NEDD9: variants seen among roughly 807,000 people sequenced by gnomAD.
NEDD9 encodes neural precursor cell expressed, developmentally down-regulated 9, also known as enhancer of filamentation 1.
In NEDD9, 26 loss-of-function variants were observed where a neutral mutation model predicts 76.6. That is an observed-to-expected ratio of 0.34 (90% CI 0.25 to 0.47). The LOEUF (loss-of-function observed/expected upper bound fraction) is 0.47. NEDD9 is among the 20% of genes least tolerant of loss of function. NEDD9 has a pLI of 1.00. For synonymous variants in NEDD9, 392 were observed against 414.2 expected (o/e 0.95, Z 0.65); for missense variants, 937 against 1,058.5 (o/e 0.89, Z 1.59).
At chr6:11,335,112 G>A (rs1762128853) in intron 1 of NEDD9, among the ~76,000 whole-genome samples, 1 of 115,154 alleles carries the variant, frequency 8.7e-6, no homozygotes, top group Non-Finnish European at 1.7e-5. Flanking sequence ...GGTGCCTCAT[G>A]AGTTGACTGA....
Position 11,189,956 on chromosome 6 carries a change from T to C in NEDD9, c.1905+8A>G, listed in dbSNP as rs376335934. The C allele has an allele frequency of 6.6e-7, 1 of 1,513,058 alleles. No individual in the cohort carries two copies. The highest frequency in any genetic ancestry group is 8.8e-7 in the Non-Finnish European group (1 of 1,132,000). The allele number at this position is 1,513,058 out of a possible 1,614,324, so 93.7% of individuals were successfully genotyped here. On this transcript the variant is annotated splice_region_variant and intron_variant, in intron 5 of 6. Coordinates refer to ENST00000379446, the MANE Select transcript of NEDD9 (RefSeq NM_006403.4). ...AGTGTAGGTGTTTTATGAGTTCCGC[T>C]GTTTTACCTGTAGGTGGACGTAATC...
intron 3 of NEDD9, among the ~76,000 whole-genome samples, chr6:11,250,728 C>T (rs1259773759): frequency 1.3e-5 from 2 of 152,178 alleles, no homozygotes; most frequent in Admixed American, 6.5e-5. Context: ...GTGGCTTAGG[C>T]GCAGAGCCCC....
chr6:11,272,935 C>T (rs1432911967), intron 3 of NEDD9, among the ~76,000 whole-genome samples: 1 of 152,030 alleles, frequency 6.6e-6, no homozygotes, highest in Non-Finnish European at 1.5e-5. Flanking sequence ...GTCTTCTTCC[C>T]AGTTTGATTA....
intron 3 of NEDD9, among the ~76,000 whole-genome samples, chr6:11,263,441 T>C (rs1581988895): frequency 6.6e-6 from 1 of 152,174 alleles, no homozygotes; most frequent in East Asian, 1.9e-4. Context: ...CAGGCTTCAT[T>C]GGATTAGAAA....
intron 1 of NEDD9, among the ~76,000 whole-genome samples, chr6:11,363,255 C>T (rs1762708592): frequency 6.6e-6 from 1 of 152,090 alleles, no homozygotes; most frequent in African/African-American, 2.4e-5. Context: ...TAGAGGTAAT[C>T]CCATGATTAA....
rs1411920492 is a variant in NEDD9 at position 11,185,753 on chromosome 6, A to G, written c.1996-82T>C. 26 of 1,530,500 alleles carry G rather than the reference A, an allele frequency of 1.7e-5. No individual in the cohort carries two copies. In the Admixed American group the frequency reaches 3.9e-4, roughly 23 times the overall value. 94.8% of individuals were successfully genotyped at this position (1,530,500 alleles called of 1,614,324 possible). On this transcript the variant is annotated intron_variant, in intron 6 of 6. Coordinates refer to ENST00000379446, the MANE Select transcript of NEDD9 (RefSeq NM_006403.4). ...ATTCACTAGGCCTTGGAGTTAAAAG[A>G]CAGGGATTTTAGTCGCTAGTAACTG... is the stretch of plus-strand genomic sequence containing the variant.
chr6:11,329,727 G>A (rs924906343), intron 2 of NEDD9, among the ~76,000 whole-genome samples: 11 of 152,100 alleles, frequency 7.2e-5, no homozygotes, highest in African/African-American at 2.2e-4. Context: ...ATTTAGCAAT[G>A]TCTCGAGATG....
chr6:11,250,555 T>C (rs1245241111), intron 3 of NEDD9, among the ~76,000 whole-genome samples: 2 of 151,780 alleles, frequency 1.3e-5, no homozygotes, highest in African/African-American at 2.4e-5. Context: ...GACCAGAGAG[T>C]TCTCTGGTGT....
At chr6:11,234,482 G>A (rs945174136), upstream of NEDD9, among the ~76,000 whole-genome samples, 1 of 152,136 alleles carries the variant, frequency 6.6e-6, no homozygotes, top group African/African-American at 2.4e-5. Flanking sequence ...CTATTTTAAT[G>A]TTTTCAAACA....
intron 3 of NEDD9, among the ~76,000 whole-genome samples, chr6:11,302,728 T>C (rs1252855003): frequency 6.6e-6 from 1 of 152,160 alleles, no homozygotes; most frequent in Admixed American, 6.5e-5. Context: ...AATCTGTAAA[T>C]GTAATCCATC....
At chr6:11,357,300 C>A (rs916581684) in intron 1 of NEDD9, among the ~76,000 whole-genome samples, 1 of 152,190 alleles carries the variant, frequency 6.6e-6, no homozygotes, top group African/African-American at 2.4e-5. Context: ...CCTGATCACA[C>A]CCGCATCCTT....
intron 3 of NEDD9, among the ~76,000 whole-genome samples, chr6:11,255,260 G>A (rs900454131): frequency 1.3e-5 from 2 of 152,216 alleles, no homozygotes; most frequent in African/African-American, 2.4e-5. Context: ...AAGAATGTGT[G>A]GTCGGAGGGA....
chr6:11,308,463 A>G (rs369381128), intron 2 of NEDD9, among the ~76,000 whole-genome samples: 2,037 of 135,208 alleles, frequency 0.015, 53 homozygotes, highest in African/African-American at 0.05. Context: ...TCCGCCTCCC[A>G]GGTTCACGCC....
intron 2 of NEDD9, among the ~76,000 whole-genome samples, chr6:11,207,047 A>G (rs992256534): frequency 2.0e-5 from 3 of 152,226 alleles, no homozygotes; most frequent in African/African-American, 7.2e-5. Context: ...TTATTGATTT[A>G]TAAATGAGGA....
intron 2 of NEDD9, among the ~76,000 whole-genome samples, chr6:11,329,497 G>A (rs994159965): frequency 6.6e-6 from 1 of 152,180 alleles, no homozygotes; most frequent in Non-Finnish European, 1.5e-5. Context: ...TTAACATCAA[G>A]GGAATGCCCA....
At chr6:11,311,212 A>G (rs1582017475) in intron 2 of NEDD9, among the ~76,000 whole-genome samples, 1 of 152,306 alleles carries the variant, frequency 6.6e-6, no homozygotes, top group Middle Eastern at 3.4e-3. Context: ...AACCCCCAGT[A>G]TCTCAGAATG....
intron 1 of NEDD9, among the ~76,000 whole-genome samples, chr6:11,227,889 G>C (rs1212565614): frequency 3.3e-5 from 5 of 152,180 alleles, no homozygotes; most frequent in African/African-American, 1.2e-4. Flanking sequence ...TTTAAACAGA[G>C]TGGATGGATG....
At chr6:11,376,059 C>T (rs112472235) in intron 1 of NEDD9, among the ~76,000 whole-genome samples, 16 of 152,284 alleles carry the variant, frequency 1.1e-4, no homozygotes, top group African/African-American at 3.4e-4. Flanking sequence ...CTCCTGACCT[C>T]GTGATCCGCC....
At chr6:11,251,811 A>T (rs1759920151) in intron 3 of NEDD9, 1 of 152,236 alleles carries the variant, frequency 6.6e-6, no homozygotes, top group Admixed American at 6.5e-5. Context: ...TCTAAAAACA[A>T]ATGACCCTTT....
Sources: allele counts gnomAD v4.1 joint callset (sites outside exome capture counted in the v4.1 genomes callset), GRCh38; gene constraint gnomAD v4.1.1; transcripts MANE v1.5; gene names NCBI Gene and HGNC (gene_info 2026-07-23, HGNC 2026-07-21).